BCLAF1: variants seen among roughly 807,000 people sequenced by gnomAD.
BCLAF1 encodes BCL2 associated transcription factor 1, also known as bcl-2-associated transcription factor 1.
A neutral mutation model predicts 99.5 loss-of-function variants in BCLAF1; 10 were observed. The observed-to-expected ratio is 0.10, with a 90% CI of 0.06 to 0.17. BCLAF1 has a LOEUF of 0.17. Ranked by LOEUF, BCLAF1 falls within the 10% of genes least tolerant of loss-of-function variation. The pLI, the probability that BCLAF1 is intolerant of heterozygous loss-of-function variation, is 1.00. For synonymous variants in BCLAF1, 255 were observed against 370.9 expected, an observed-to-expected ratio of 0.69 and a Z score of 3.59; for missense variants, 636 against 1,105.8, an observed-to-expected ratio of 0.58 and a Z score of 6.02.
Position 136,275,636 on chromosome 6 carries a change from T to C in BCLAF1, c.1748A>G (p.Gln583Arg). 3 of 1,599,056 alleles carry C rather than the reference T, an allele frequency of 1.9e-6. No homozygotes were observed. The highest frequency in any genetic ancestry group is 1.7e-5 in the Admixed American group (1 of 57,264). ...STLVHSVKKE[Q>R]EFRSIFDHIK... Reference sequence around the variant, plus strand: ...GTGGTCAAAGATGGATCGGAATTCTTGCTCCTTCTTGACAGAATGGACAAG... The same window carrying C: ...GTGGTCAAAGATGGATCGGAATTCTCGCTCCTTCTTGACAGAATGGACAAG... The change falls in exon 6 of 13, where the codon CAA (glutamine) becomes CGA (arginine). Residue 583 changes from glutamine (Q) to arginine (R), a missense_variant. Around this residue, in one of 9 missense-constraint regions of BCLAF1, gnomAD observed 180 missense variants for 270.0 expected, o/e 0.67. Coordinates refer to ENST00000531224, the MANE Select transcript of BCLAF1 (RefSeq NM_014739.3).
In BCLAF1 at chr6:136,258,010, T is replaced by G. The variant is rs190306920; in HGVS notation, c.*3100A>C. On this transcript the variant is annotated 3_prime_UTR_variant, in exon 13 of 13. Transcript: ENST00000531224. Reference sequence around the variant, plus strand: ...ACACAACACTTTACATGCATATGTATGTACACACAGAGTTATTTCTCTCAC... The same window carrying G: ...ACACAACACTTTACATGCATATGTAGGTACACACAGAGTTATTTCTCTCAC... The G allele has an allele frequency of 5.6e-4, 85 of 152,286 alleles. No individual in the cohort carries two copies. Among genetic ancestry groups the G allele is most frequent in the Admixed American group, 5.4e-3 (82 of 15,302 alleles). The allele number at this position is 152,286 out of a possible 1,614,324, so 9.4% of individuals were successfully genotyped here. A position where few individuals can be genotyped will look rare whatever the true frequency, so the allele number is the denominator to read the frequency against.
At chr6:136,282,880 G>T (rs1026966301) in intron 1 of BCLAF1, among the ~76,000 whole-genome samples, 193 bp from the exon 2 acceptor site, 1 of 152,084 alleles carries the variant, frequency 6.6e-6, no homozygotes, top group Non-Finnish European at 1.5e-5. Flanking sequence ...AAACCACAAT[G>T]CAGTAGCGTA....
At chr6:136,268,381 G>T (rs1338962410) in intron 9 of BCLAF1, 42 bp from the exon 10 acceptor site, 19 of 1,512,414 alleles carry the variant, frequency 1.3e-5, no homozygotes, top group Non-Finnish European at 1.7e-5. Flanking sequence ...CTTTTAAAAA[G>T]ATAAAGACCC....
intron 9 of BCLAF1, chr6:136,268,805 T>A (rs1486364063): frequency 1.2e-5 from 2 of 167,444 alleles, no homozygotes; most frequent in African/African-American, 2.4e-5. Flanking sequence ...CAGCCATAAA[T>A]TTAATAACAC....
chr6:136,272,842 A>G (rs1437734350), intron 7 of BCLAF1, among the ~76,000 whole-genome samples: 1 of 151,952 alleles, frequency 6.6e-6, no homozygotes, highest in Non-Finnish European at 1.5e-5. Context: ...ATTGATAACT[A>G]TTTAATTCCA....
At chr6:136,280,977 T>C (rs1299967778) in intron 2 of BCLAF1, among the ~76,000 whole-genome samples, 2 of 152,172 alleles carry the variant, frequency 1.3e-5, no homozygotes, top group Non-Finnish European at 2.9e-5. Context: ...CCAAGTATTT[T>C]TGAAGGCACT....
At chr6:136,268,076 C>T in intron 10 of BCLAF1, 86 bp downstream of exon 10, 1 of 1,226,830 alleles carries the variant, frequency 8.2e-7, no homozygotes, top group South Asian at 2.0e-5. Context: ...ACATAACAAT[C>T]TCTAAATCAT....
At chr6:136,285,059 G>A (rs1346001756) in intron 1 of BCLAF1, among the ~76,000 whole-genome samples, 1 of 151,966 alleles carries the variant, frequency 6.6e-6, no homozygotes, top group Non-Finnish European at 1.5e-5. Flanking sequence ...AGGAGTTGAG[G>A]GTATGAAATA....
In BCLAF1 at chr6:136,260,091, T is replaced by C. The variant is rs182295681; in HGVS notation, c.*1019A>G. On this transcript the variant is annotated 3_prime_UTR_variant, in exon 13 of 13. Coordinates refer to ENST00000531224, the MANE Select transcript of BCLAF1 (RefSeq NM_014739.3). ...TGGTGACATTTGAAAAACAATTTTT[T>C]TAAAATACTATTAATGAACAGTATG... 6.6e-6 allele frequency: 1 copy of C among 152,170 alleles called. No individual in the cohort carries two copies. Among genetic ancestry groups the C allele is most frequent in the African/African-American group, 2.4e-5 (1 of 41,552 alleles). The allele number at this position is 152,170 out of a possible 1,614,324, so 9.4% of individuals were successfully genotyped here. A position where few individuals can be genotyped will look rare whatever the true frequency, so the allele number is the denominator to read the frequency against.
At chr6:136,286,473 A>G (rs571488971) in intron 1 of BCLAF1, among the ~76,000 whole-genome samples, 1 of 152,338 alleles carries the variant, frequency 6.6e-6, no homozygotes, top group African/African-American at 2.4e-5. Context: ...TAAATGAACT[A>G]AGTAAGGCAT....
At chr6:136,262,761 C>A (rs1015863631) in intron 11 of BCLAF1, among the ~76,000 whole-genome samples, 1 of 152,138 alleles carries the variant, frequency 6.6e-6, no homozygotes, top group Non-Finnish European at 1.5e-5. Context: ...ATGCCCACTC[C>A]ACTACATAAT....
At chr6:136,275,804 T>C (rs1225150648) in intron 5 of BCLAF1, 39 bp downstream of exon 5, 2 of 1,586,134 alleles carry the variant, frequency 1.3e-6, no homozygotes, top group Non-Finnish European at 1.7e-6. Flanking sequence ...GAATACTGAC[T>C]GCCCACAGAT....
In BCLAF1 at chr6:136,260,065, T is replaced by A. The variant is rs752727860; in HGVS notation, c.*1045A>T. ...AACAAGCTTCCTGCCAAAACTTTTA[T>A]TGGTGACATTTGAAAAACAATTTTT... On this transcript the variant is annotated 3_prime_UTR_variant, in exon 13 of 13. Coordinates refer to ENST00000531224, the MANE Select transcript of BCLAF1 (RefSeq NM_014739.3). The A allele has an allele frequency of 6.6e-6, 1 of 152,068 alleles. No individual in the cohort carries two copies. Among genetic ancestry groups the A allele is most frequent in the Non-Finnish European group, 1.5e-5 (1 of 67,932 alleles). The allele number at this position is 152,068 out of a possible 1,614,324, so 9.4% of individuals were successfully genotyped here.
In BCLAF1 at chr6:136,260,962, A is replaced by G. The variant is rs1317299801; in HGVS notation, c.*148T>C. On this transcript the variant is annotated 3_prime_UTR_variant, in exon 13 of 13. Coordinates refer to ENST00000531224, the MANE Select transcript of BCLAF1 (RefSeq NM_014739.3). ...CATACAGTCTACTATTTCTCAAGAT[A>G]TTTGAAGACTTAAAACAAAATTTCT... 16 of 778,684 alleles carry G rather than the reference A, an allele frequency of 2.1e-5. No individual in the cohort carries two copies. The highest frequency in any genetic ancestry group is 3.0e-5 in the Non-Finnish European group (15 of 508,358). 48.2% of individuals were successfully genotyped at this position (778,684 alleles called of 1,614,324 possible).
rs61710271 is a variant in BCLAF1 at position 136,275,717 on chromosome 6, AAC to A, written c.1683-18_1683-17del. ...GGAAGCAGGTCTGGAACATATTGAT[AAC>A]ACACACACACACAAAATATACCATT... On this transcript the variant is annotated splice_polypyrimidine_tract_variant and intron_variant, in intron 5 of 12. Transcript: ENST00000531224. 3.4e-4 allele frequency: 526 copies of A among 1,553,206 alleles called. No homozygotes were observed. The highest frequency in any genetic ancestry group is 1.0e-3 in the Admixed American group (55 of 52,450).
chr6:136,267,171 C>T lies in BCLAF1; in HGVS notation c.2402G>A (p.Arg801Gln), dbSNP rs1487882129. The T allele has an allele frequency of 2.5e-6, 4 of 1,612,092 alleles. No individual in the cohort carries two copies. The highest frequency in any genetic ancestry group is 1.7e-5 in the Admixed American group (1 of 59,922). The stretch of plus-strand genomic sequence containing the variant: ...TCTGGCTCTTCCTCTGCCTCTAATT[C>T]GAAACTGATTAACATTAACAAAGTT... The part of the protein sequence containing the change: ...GVSRPRGTFF[R>Q]IRGRGRARGV... Residue 801 changes from arginine (R) to glutamine (Q), a missense_variant, in exon 11 of 13, where the codon CGA (arginine) becomes CAA (glutamine). Around this residue, in one of 9 missense-constraint regions of BCLAF1, gnomAD observed 180 missense variants for 270.0 expected, o/e 0.67. Coordinates refer to ENST00000531224, the MANE Select transcript of BCLAF1 (RefSeq NM_014739.3).
At chr6:136,261,180 A>C in intron 12 of BCLAF1, 65 bp from the exon 13 acceptor site, 1 of 1,563,616 alleles carries the variant, frequency 6.4e-7, no homozygotes, top group Non-Finnish European at 8.7e-7. Context: ...AACCATATTA[A>C]TAATTGTTCC....
intron 6 of BCLAF1, among the ~76,000 whole-genome samples, chr6:136,273,731 C>T (rs1782871852): frequency 6.6e-6 from 1 of 151,942 alleles, no homozygotes; most frequent in Non-Finnish European, 1.5e-5. Flanking sequence ...TCAATAATTA[C>T]TCCAAAAATC....
rs776062279 is a variant in BCLAF1, at chr6:136,276,512, C to T, written c.1017-4G>A. 7.0e-6 allele frequency: 11 copies of T among 1,582,718 alleles called. No homozygotes were observed. The highest frequency in any genetic ancestry group is 2.3e-5 in the South Asian group (2 of 86,782). Reference sequence around the variant, plus strand: ...TCTAGACTCTTCATCTGTGAACCTGCGAATAAGCAAAGAAGAGGATAGTAA... The same window carrying T: ...TCTAGACTCTTCATCTGTGAACCTGTGAATAAGCAAAGAAGAGGATAGTAA... On this transcript the variant is annotated splice_region_variant and splice_polypyrimidine_tract_variant and intron_variant, in intron 4 of 12. Coordinates refer to ENST00000531224, the MANE Select transcript of BCLAF1 (RefSeq NM_014739.3).
Sources: allele counts gnomAD v4.1 joint callset (sites outside exome capture counted in the v4.1 genomes callset), GRCh38; gene constraint gnomAD v4.1.1; regional missense constraint gnomAD v4.1.1; transcripts MANE v1.5; gene names NCBI Gene and HGNC (gene_info 2026-07-23, HGNC 2026-07-21).